The following SEPTIN7 variants were observed in gnomAD, a reference collection of about 807,000 sequenced individuals.
SEPTIN7 encodes septin 7, also known as septin-7.
A neutral mutation model predicts 63.3 loss-of-function variants in SEPTIN7; 10 were observed. The observed-to-expected ratio is 0.16, with a 90% CI of 0.10 to 0.27. SEPTIN7 has a LOEUF of 0.27. Among genes scored for constraint, SEPTIN7 ranks in the 10% least tolerant of loss-of-function variants. The pLI is 1.00. For missense variants in SEPTIN7, 310 were observed against 521.0 expected, an observed-to-expected ratio of 0.59 and a Z score of 3.94; for synonymous variants, 131 against 165.3, an observed-to-expected ratio of 0.79 and a Z score of 1.59.
chr7:35,873,473 A>G (rs1210730596), intron 5 of SEPTIN7, among the ~76,000 whole-genome samples, 168 bp from the exon 6 acceptor site: 1 of 152,126 alleles, frequency 6.6e-6, no homozygotes, highest in African/African-American at 2.4e-5. Context: ...TGAATAATGA[A>G]TATTTATTCA....
At chr7:35,876,287 T>C (rs1286281928) in intron 6 of SEPTIN7, among the ~76,000 whole-genome samples, 1 of 152,216 alleles carries the variant, frequency 6.6e-6, no homozygotes, top group Non-Finnish European at 1.5e-5. Flanking sequence ...ATTTTAATAG[T>C]TTATATTAAA....
chr7:35,865,413 G>C (rs751183940), intron 4 of SEPTIN7, among the ~76,000 whole-genome samples: 3 of 152,012 alleles, frequency 2.0e-5, no homozygotes, highest in Non-Finnish European at 2.9e-5. Flanking sequence ...TTTTATATCT[G>C]TTTTCTTTCA....
At chr7:35,885,135 C>T (rs1045540402) in intron 9 of SEPTIN7, among the ~76,000 whole-genome samples, 3 of 152,104 alleles carry the variant, frequency 2.0e-5, no homozygotes, top group African/African-American at 7.2e-5. Context: ...TATAAGCACA[C>T]ACCACTGCCC....
chr7:35,915,717 C>T, the SEPTIN7 span, among the ~76,000 whole-genome samples: 1 of 152,186 alleles, frequency 6.6e-6, no homozygotes, highest in Non-Finnish European at 1.5e-5. Context: ...TCACTGCAGG[C>T]CAGCTCTGAA....
chr7:35,890,420 T>C, intron 10 of SEPTIN7: 1 of 228,168 alleles, frequency 4.4e-6, no homozygotes, highest in Non-Finnish European at 8.4e-6. Context: ...GTAACTGTTT[T>C]TGGGGATTTA....
At position 35,801,171 on chromosome 7, in the gene SEPTIN7, C is replaced by G; in HGVS notation, c.-39C>G. ...TAGGCGCCTTTGGAGAATCGGCGGG[C>G]TGCGCTCCGCTGGGGCTGGTCGCGG... On this transcript the variant is annotated 5_prime_UTR_variant, in exon 1 of 14. Transcript: ENST00000350320. 2 of 1,458,712 alleles carry G rather than the reference C, an allele frequency of 1.4e-6. No homozygotes were observed. The highest frequency in any genetic ancestry group is 1.8e-6 in the Non-Finnish European group (2 of 1,100,458). The allele number at this position is 1,458,712 out of a possible 1,614,324, so 90.4% of individuals were successfully genotyped here.
chr7:35,859,985 A>G (rs554556876), intron 3 of SEPTIN7, among the ~76,000 whole-genome samples: 48 of 152,244 alleles, frequency 3.2e-4, no homozygotes, highest in African/African-American at 9.4e-4. Flanking sequence ...ATAAATACTT[A>G]TAAGGAAGAA....
intron 1 of SEPTIN7, among the ~76,000 whole-genome samples, chr7:35,808,119 G>GT (rs1172473518): frequency 4.6e-5 from 7 of 151,904 alleles, no homozygotes; most frequent in African/African-American, 1.7e-4. Flanking sequence ...ACCCAGCCTG[G>GT]TTTTTTTTGT....
chr7:35,879,329 C>A (rs918156226), intron 6 of SEPTIN7, among the ~76,000 whole-genome samples: 1 of 151,774 alleles, frequency 6.6e-6, no homozygotes, highest in Non-Finnish European at 1.5e-5. Flanking sequence ...ACAAAAAATA[C>A]AAAAATTAGG....
chr7:35,842,819 A>G lies in SEPTIN7; in HGVS notation c.169+9919A>G, dbSNP rs75230483. On this transcript the variant is annotated intron_variant, in intron 3 of 13. Coordinates refer to ENST00000350320, the MANE Select transcript of SEPTIN7 (RefSeq NM_001788.6). ...ATGGATGCTTCTCTTTTGTCCCCCT[A>G]AATACTTTAGTATATCTCTCTTCCT... 7.1e-4 allele frequency among the ~76,000 whole-genome samples: 108 copies of G among 152,296 alleles called. 1 individual carries two copies. In the East Asian group the frequency reaches 0.018, roughly 26 times the overall value.
intron 10 of SEPTIN7, among the ~76,000 whole-genome samples, chr7:35,887,386 C>T (rs1326596161): frequency 3.3e-5 from 5 of 152,216 alleles, no homozygotes; most frequent in African/African-American, 9.6e-5. Context: ...GTCTCACTTT[C>T]TTGCCCAGGC....
Position 35,801,141 on chromosome 7 carries a change from C to T in SEPTIN7, c.-69C>T, listed in dbSNP as rs1787924999. 7.6e-7 allele frequency: 1 copy of T among 1,322,450 alleles called. No homozygotes were observed. The highest frequency in any genetic ancestry group is 1.0e-6 in the Non-Finnish European group (1 of 992,372). The allele number at this position is 1,322,450 out of a possible 1,614,324, so 81.9% of individuals were successfully genotyped here. ...ACGCCGGGCGGCTACGCTGCGGAAT[C>T]GGCGTAGGCGCCTTTGGAGAATCGG... On this transcript the variant is annotated 5_prime_UTR_variant, in exon 1 of 14. Transcript: ENST00000350320.
At chr7:35,908,454 C>T (rs971550817), downstream of SEPTIN7, among the ~76,000 whole-genome samples, 3 of 152,184 alleles carry the variant, frequency 2.0e-5, no homozygotes, top group African/African-American at 7.2e-5. Context: ...TGTTCTGCGC[C>T]AGGCTCTCAA....
chr7:35,858,951 A>C (rs1785358489), intron 3 of SEPTIN7, among the ~76,000 whole-genome samples: 1 of 152,140 alleles, frequency 6.6e-6, no homozygotes, highest in Non-Finnish European at 1.5e-5. Context: ...AAATGCTGGG[A>C]TTACAGGCGT....
chr7:35,805,510 G>A (rs1214835193), intron 1 of SEPTIN7, among the ~76,000 whole-genome samples: 1 of 152,108 alleles, frequency 6.6e-6, no homozygotes, highest in East Asian at 1.9e-4. Flanking sequence ...TTCACAGACT[G>A]GCTCATTGGT....
intron 1 of SEPTIN7, among the ~76,000 whole-genome samples, chr7:35,817,711 GAAC>G (rs1344657110): frequency 6.6e-6 from 1 of 151,852 alleles, no homozygotes; most frequent in Non-Finnish European, 1.5e-5. Context: ...CAGTTTTTGT[GAAC>G]AACATTTTTA....
At chr7:35,864,753 C>T (rs1249922749) in intron 4 of SEPTIN7, among the ~76,000 whole-genome samples, 3 of 152,096 alleles carry the variant, frequency 2.0e-5, no homozygotes, top group Admixed American at 2.0e-4. Flanking sequence ...TGTTGGTGAG[C>T]TCTGCTTATG....
chr7:35,898,206 T>G (rs1314346974), intron 11 of SEPTIN7, 42 bp from the exon 12 acceptor site: 1 of 1,432,012 alleles, frequency 7.0e-7, no homozygotes, highest in Non-Finnish European at 9.3e-7. Context: ...TTATAATTTT[T>G]ATTCACAGAC....
At chr7:35,832,770 A>G (rs766681270) in intron 2 of SEPTIN7, 28 bp from the exon 3 acceptor site, 8 of 1,241,824 alleles carry the variant, frequency 6.4e-6, no homozygotes, top group Non-Finnish European at 9.5e-6. Context: ...TGATACATGA[A>G]TAACTTGGCC....
Sources: allele counts gnomAD v4.1 joint callset (sites outside exome capture counted in the v4.1 genomes callset), GRCh38; gene constraint gnomAD v4.1.1; transcripts MANE v1.5; gene names NCBI Gene and HGNC (gene_info 2026-07-23, HGNC 2026-07-21).